AASDHPPT: variants seen among roughly 807,000 people sequenced by gnomAD.
The protein encoded by AASDHPPT is L-aminoadipate-semialdehyde dehydrogenase-phosphopantetheinyl transferase.
In AASDHPPT, 23 loss-of-function variants were observed where a neutral mutation model predicts 36.4. The observed-to-expected ratio is 0.63, with a 90% CI of 0.45 to 0.89. The LOEUF is 0.89. AASDHPPT is among the 40% of genes least tolerant of loss of function. The pLI, the probability that AASDHPPT is intolerant of heterozygous loss-of-function variation, is 0.00. For missense variants in AASDHPPT, 377 were observed against 378.2 expected (o/e 1.00, Z 0.03); for synonymous variants, 115 against 128.0 (o/e 0.90, Z 0.68).
intron 2 of AASDHPPT, among the ~76,000 whole-genome samples, chr11:106,085,656 T>C (rs962719425): frequency 6.6e-6 from 1 of 152,214 alleles, no homozygotes. Flanking sequence ...TAGGAAGGAC[T>C]TTATAAAAAC....
chr11:106,089,006 T>C (rs1323068370), intron 2 of AASDHPPT, among the ~76,000 whole-genome samples: 2 of 151,980 alleles, frequency 1.3e-5, no homozygotes, highest in African/African-American at 2.4e-5. Flanking sequence ...ACCCTTGAGA[T>C]GATTGTGGGA....
At chr11:106,080,067 T>C (rs1051439674) in intron 2 of AASDHPPT, among the ~76,000 whole-genome samples, 46 of 152,224 alleles carry the variant, frequency 3.0e-4, no homozygotes, top group African/African-American at 9.6e-4. Flanking sequence ...GTAGTCCTTA[T>C]GTAGAGATAA....
intron 3 of AASDHPPT, among the ~76,000 whole-genome samples, chr11:106,090,976 T>G (rs1426945107): frequency 6.6e-6 from 1 of 152,140 alleles, no homozygotes; most frequent in Admixed American, 6.6e-5. Context: ...CATGAGGTCC[T>G]ATATAACAAA....
chr11:106,090,810 T>G, intron 3 of AASDHPPT, 132 bp downstream of exon 3: 1 of 1,227,312 alleles, frequency 8.1e-7, no homozygotes, highest in South Asian at 1.7e-5. Context: ...TTGAGAATTT[T>G]ATGGTTTTTA....
Position 106,079,462 on chromosome 11 carries a change from A to C in AASDHPPT, c.184-5A>C. 1 of 1,595,854 alleles carries C rather than the reference A, an allele frequency of 6.3e-7. No homozygotes were observed. The highest frequency in any genetic ancestry group is 8.6e-7 in the Non-Finnish European group (1 of 1,168,928). On this transcript the variant is annotated splice_polypyrimidine_tract_variant and splice_region_variant and intron_variant, in intron 1 of 5. Coordinates refer to ENST00000278618, the MANE Select transcript of AASDHPPT (RefSeq NM_015423.3). ...TACATACCAAATGTTTTATGTACTT[A>C]ACAGGCTGGTCGTCTGATGATAAGG...
chr11:106,080,448 T>G (rs1591542964), intron 2 of AASDHPPT, among the ~76,000 whole-genome samples: 2 of 152,216 alleles, frequency 1.3e-5, no homozygotes, highest in Non-Finnish European at 2.9e-5. Flanking sequence ...CCTTAGAAAT[T>G]TGTTAGTGGT....
chr11:106,088,057 A>G (rs1188941909), intron 2 of AASDHPPT, among the ~76,000 whole-genome samples: 1 of 152,160 alleles, frequency 6.6e-6, no homozygotes, highest in Non-Finnish European at 1.5e-5. Context: ...TTGGCCGAAT[A>G]TTTACGAAAT....
Position 106,096,757 on chromosome 11 carries a change from T to G in AASDHPPT, c.780T>G (p.Asp260Glu), listed in dbSNP as rs1389268793. 6 of 1,595,372 alleles carry G rather than the reference T, an allele frequency of 3.8e-6. No individual in the cohort carries two copies. The highest frequency in any genetic ancestry group is 1.4e-5 in the African/African-American group (1 of 73,716). ...TTGTCTTTTAGGTTCCATCTCAGGA[T>G]GATTCCAAACCAACCCAGAGGCAAT... is the stretch of plus-strand genomic sequence containing the variant. ...GSRHQDVPSQ[D>E]DSKPTQRQFT... Residue 260 changes from aspartate to glutamate, a missense_variant, in exon 6 of 6, where the codon GAT (aspartate) becomes GAG (glutamate). By Grantham distance (45) the Asp-to-Glu change is conservative. Coordinates refer to ENST00000278618, the MANE Select transcript of AASDHPPT (RefSeq NM_015423.3).
At chr11:106,094,721 T>C in intron 5 of AASDHPPT, 67 bp downstream of exon 5, 1 of 1,268,278 alleles carries the variant, frequency 7.9e-7, no homozygotes, top group Admixed American at 2.2e-5. Context: ...TCTTTATTGA[T>C]GGAAATAGTC....
chr11:106,089,053 T>C (rs1861228811), intron 2 of AASDHPPT, among the ~76,000 whole-genome samples: 1 of 152,080 alleles, frequency 6.6e-6, no homozygotes, highest in South Asian at 2.1e-4. Context: ...CTGTAAACTC[T>C]CTGTGAAGAT....
At chr11:106,094,737 C>T (rs945353225) in intron 5 of AASDHPPT, 83 bp downstream of exon 5, 4 of 1,068,868 alleles carry the variant, frequency 3.7e-6, no homozygotes, top group African/African-American at 3.2e-5. Flanking sequence ...TAGTCATTTG[C>T]CTTATATCAG....
At position 106,096,928 on chromosome 11, in the gene AASDHPPT, G is replaced by A; in HGVS notation, c.*21G>A. 1.3e-6 allele frequency: 2 copies of A among 1,572,184 alleles called. No individual in the cohort carries two copies. Among genetic ancestry groups the A allele is most frequent in the East Asian group, 2.3e-5 (1 of 42,670 alleles). ...CATGATGATTCCCTGAGTAACAAAGGGAAATGAAAACTGTTTGTGATCTTC... is the reference window on the plus strand; with the variant it reads ...CATGATGATTCCCTGAGTAACAAAGAGAAATGAAAACTGTTTGTGATCTTC... On this transcript the variant is annotated 3_prime_UTR_variant, in exon 6 of 6. Transcript: ENST00000278618.
chr11:106,085,144 C>A (rs1367493612), intron 2 of AASDHPPT, among the ~76,000 whole-genome samples: 5 of 151,948 alleles, frequency 3.3e-5, no homozygotes, highest in Non-Finnish European at 5.9e-5. Context: ...CTCTGTTGCC[C>A]AGGCTGGAGT....
chr11:106,079,555 A>G lies in AASDHPPT; in HGVS notation c.272A>G (p.Lys91Arg). The change falls in exon 2 of 6, where the codon AAA (lysine) becomes AGA (arginine). Residue 91 changes from lysine to arginine, a missense_variant. By Grantham distance (26) the Lys-to-Arg change is conservative. Transcript: ENST00000278618. ...CGTTTGCAAAGAACTGCAAAAGGAAAACCAGTTCTTGCAAAGGACTCATCG... is the reference window on the plus strand; with the variant it reads ...CGTTTGCAAAGAACTGCAAAAGGAAGACCAGTTCTTGCAAAGGACTCATCG... ...HIRLQRTAKG[K>R]PVLAKDSSNP... is the part of the protein sequence containing the mutation. The G allele has an allele frequency of 6.2e-7, 1 of 1,614,170 alleles. No homozygotes were observed. The highest frequency in any genetic ancestry group is 8.5e-7 in the Non-Finnish European group (1 of 1,180,020).
chr11:106,077,679 C>G lies in AASDHPPT; in HGVS notation c.-32C>G, dbSNP rs1199983083. ...CCACGTTTGCGTCCGCGCCATCAGGCCCGAGATAGCGGCGAGGTCCGCTTT... is the reference window on the plus strand; with the variant it reads ...CCACGTTTGCGTCCGCGCCATCAGGGCCGAGATAGCGGCGAGGTCCGCTTT... On this transcript the variant is annotated 5_prime_UTR_variant, in exon 1 of 6. Coordinates refer to ENST00000278618, the MANE Select transcript of AASDHPPT (RefSeq NM_015423.3). The G allele has an allele frequency of 6.3e-7, 1 of 1,599,694 alleles. No individual in the cohort carries two copies. Among genetic ancestry groups the G allele is most frequent in the South Asian group, 1.1e-5 (1 of 90,346 alleles).
At chr11:106,079,779 AT>A in intron 2 of AASDHPPT, 87 bp downstream of exon 2, 2 of 1,164,742 alleles carry the variant, frequency 1.7e-6, no homozygotes, top group Non-Finnish European at 2.5e-6. Context: ...CAGGAGATGT[AT>A]TAGAGATATT....
chr11:106,079,073 G>A (rs986175445), intron 1 of AASDHPPT, among the ~76,000 whole-genome samples: 17 of 152,300 alleles, frequency 1.1e-4, no homozygotes, highest in African/African-American at 3.8e-4. Flanking sequence ...TGGACCAGAC[G>A]TGTGTGTACA....
Position 106,094,625 on chromosome 11 carries a change from A to G in AASDHPPT, c.736A>G (p.Arg246Gly), listed in dbSNP as rs776779250. 7.5e-6 allele frequency: 12 copies of G among 1,606,636 alleles called. No homozygotes were observed. Among genetic ancestry groups the G allele is most frequent in the Non-Finnish European group, 9.4e-6 (11 of 1,176,392 alleles). The part of the protein sequence containing the change: ...DEHHFVAVAL[R>G]KPDGSRHQDV... ...GCACCATTTTGTTGCAGTTGCTCTT[A>G]GGAAACCCGATGGATCTAGACATCA... The change falls in exon 5 of 6, where the codon AGG becomes GGG. Residue 246 changes from arginine to glycine, a missense_variant. By Grantham distance (125) the Arg-to-Gly change is moderately radical (BLOSUM62 -2). Coordinates refer to ENST00000278618, the MANE Select transcript of AASDHPPT (RefSeq NM_015423.3).
Position 106,097,467 on chromosome 11 carries a change from T to C in AASDHPPT, c.*560T>C, listed in dbSNP as rs1252543271. ...CAGAGGTAACAGTGTCCAAATATAATTGGCCTAAGTAACCTAGGAAATTGT... is the reference window on the plus strand; with the variant it reads ...CAGAGGTAACAGTGTCCAAATATAACTGGCCTAAGTAACCTAGGAAATTGT... On this transcript the variant is annotated 3_prime_UTR_variant, in exon 6 of 6. Transcript: ENST00000278618. 6.6e-6 allele frequency: 1 copy of C among 152,350 alleles called. No homozygotes were observed. Among genetic ancestry groups the C allele is most frequent in the Non-Finnish European group, 1.5e-5 (1 of 68,196 alleles). The allele number at this position is 152,350 out of a possible 1,614,324, so 9.4% of individuals were successfully genotyped here.
Sources: allele counts gnomAD v4.1 joint callset (sites outside exome capture counted in the v4.1 genomes callset), GRCh38; gene constraint gnomAD v4.1.1; transcripts MANE v1.5; gene names NCBI Gene and HGNC (gene_info 2026-07-23, HGNC 2026-07-21).